PANX2: variants seen among roughly 807,000 people sequenced by gnomAD.
PANX2 encodes pannexin 2.
Under a neutral mutation model 38.7 loss-of-function variants are expected in PANX2, and 30 were observed. The ratio of observed to expected loss-of-function variants is 0.78; its 90% CI spans 0.58 to 1.05. The LOEUF is 1.05. Among genes scored for constraint, PANX2 ranks in the 50% least tolerant of loss-of-function variants. The probability of loss-of-function intolerance (pLI) is 0.00; values close to 1 mark genes in which losing one functional copy is unlikely to be tolerated. For missense variants in PANX2, 880 were observed against 979.3 expected, an observed-to-expected ratio of 0.90 and a Z score of 1.35; for synonymous variants, 539 against 472.1, an observed-to-expected ratio of 1.14 and a Z score of -1.84.
chr22:50,173,951 G>A (rs917924864), intron 1 of PANX2, among the ~76,000 whole-genome samples: 5 of 152,072 alleles, frequency 3.3e-5, no homozygotes, highest in African/African-American at 1.2e-4. Context: ...CTCGTGAACC[G>A]GGAAACGTGA....
At chr22:50,178,892 C>A in intron 2 of PANX2, 42 bp from the exon 3 acceptor site, 1 of 1,491,946 alleles carries the variant, frequency 6.7e-7, no homozygotes, top group Non-Finnish European at 9.0e-7. Flanking sequence ...GGCGGCGCAG[C>A]GGAGGATGGT....
intron 1 of PANX2, among the ~76,000 whole-genome samples, chr22:50,173,869 C>T (rs2063648298): frequency 6.6e-6 from 1 of 152,200 alleles, no homozygotes; most frequent in South Asian, 2.1e-4. Flanking sequence ...TCCTCCCTGA[C>T]TCTGACCCTC....
chr22:50,175,850 C>T (rs953205090), intron 1 of PANX2, among the ~76,000 whole-genome samples: 6 of 152,258 alleles, frequency 3.9e-5, no homozygotes, highest in African/African-American at 1.4e-4. Flanking sequence ...ACAGTGAATG[C>T]TGCTCTTCCC....
In PANX2 at chr22:50,177,825, C is replaced by T. The variant is rs374911171; in HGVS notation, c.1113C>T (p.Ser371=). 1 of 1,599,436 alleles carries T rather than the reference C, an allele frequency of 6.3e-7. No homozygotes were observed. The highest frequency in any genetic ancestry group is 1.3e-5 in the African/African-American group (1 of 75,020). ...LNRLDFITNE[S]DLMYDNVVRQ... ...GGCTGGACTTCATCACCAACGAGAG[C>T]GACCTCATGTACGACAACGTGGTCC... The change falls in exon 2 of 3, where the codon AGC becomes AGT. Residue 371 remains serine (S), a synonymous_variant. Transcript: ENST00000395842.
intron 1 of PANX2, chr22:50,175,539 G>A: frequency 1.1e-5 from 11 of 981,082 alleles, no homozygotes; most frequent in Non-Finnish European, 1.5e-5. Context: ...GCCTTGTCCG[G>A]TTTGCTCTTC....
In PANX2 at chr22:50,179,336, G is replaced by A; in HGVS notation, c.*59G>A. 2 of 1,459,800 alleles carry A rather than the reference G, an allele frequency of 1.4e-6. No homozygotes were observed. Among genetic ancestry groups the A allele is most frequent in the Non-Finnish European group, 1.9e-6 (2 of 1,058,044 alleles). The allele number at this position is 1,459,800 out of a possible 1,614,324, so 90.4% of individuals were successfully genotyped here. ...CTGCCTGTGTCGTGTGGCCTGGCCA[G>A]CCTCCCGGTGGACACCAGCCCTGCG... On this transcript the variant is annotated 3_prime_UTR_variant, in exon 3 of 3. Coordinates refer to ENST00000395842, the MANE Select transcript of PANX2 (RefSeq NM_052839.4).
At chr22:50,171,731 G>A (rs912427758) in intron 1 of PANX2, among the ~76,000 whole-genome samples, 4 of 152,196 alleles carry the variant, frequency 2.6e-5, no homozygotes, top group Non-Finnish European at 5.9e-5. Context: ...GGAGTGGGGC[G>A]AGACAGGTGG....
At position 50,170,845 on chromosome 22, in the gene PANX2, G is replaced by T; in HGVS notation, c.115G>T (p.Ala39Ser). The change falls in exon 1 of 3, where the codon GCG (alanine) becomes TCG (serine). Residue 39 changes from alanine (A) to serine (S), a missense_variant. Physicochemically the swap from Ala to Ser is moderately conservative, Grantham distance 99. Coordinates refer to ENST00000395842, the MANE Select transcript of PANX2 (RefSeq NM_052839.4). The stretch of plus-strand genomic sequence containing the variant: ...GGACGACAAGGCGGGCGCGCTGGCC[G>T]CGCTGCTTCTGCAGCTGAAGCTGGA... ...AQDDKAGALAALLLQLKLELP... is the reference protein window; with the variant it reads ...AQDDKAGALASLLLQLKLELP... 1.3e-6 allele frequency: 2 copies of T among 1,498,358 alleles called. No individual in the cohort carries two copies. The highest frequency in any genetic ancestry group is 2.8e-5 in the East Asian group (1 of 35,622). 92.8% of individuals were successfully genotyped at this position (1,498,358 alleles called of 1,614,324 possible). A position where few individuals can be genotyped will look rare whatever the true frequency, so the allele number is the denominator to read the frequency against.
At chr22:50,172,689 G>A (rs531535232) in intron 1 of PANX2, among the ~76,000 whole-genome samples, 1 of 151,914 alleles carries the variant, frequency 6.6e-6, no homozygotes, top group South Asian at 2.1e-4. Flanking sequence ...ACAGGCGTGA[G>A]CCACTGTGCC....
At chr22:50,172,673 G>A (rs1466201333) in intron 1 of PANX2, among the ~76,000 whole-genome samples, 2 of 152,022 alleles carry the variant, frequency 1.3e-5, no homozygotes, top group Non-Finnish European at 2.9e-5. Flanking sequence ...CCAAAGTGCT[G>A]GGACTACAGG....
At chr22:50,175,325 G>C in intron 1 of PANX2, 1 of 389,894 alleles carries the variant, frequency 2.6e-6, no homozygotes, top group Non-Finnish European at 4.7e-6. Context: ...CCAGGGTTCT[G>C]GGGCCTCTCC....
chr22:50,175,575 G>A (rs1459808178), intron 1 of PANX2: 8 of 576,462 alleles, frequency 1.4e-5, no homozygotes, highest in South Asian at 3.8e-5. Flanking sequence ...TCTCCAGCTC[G>A]ATGTCCCCAC....
At position 50,178,073 on chromosome 22, in the gene PANX2, A is replaced by G; in HGVS notation, c.1361A>G (p.Asn454Ser). The change falls in exon 2 of 3, where the codon AAC (asparagine) becomes AGC (serine). Residue 454 changes from asparagine (N) to serine (S), a missense_variant. Physicochemically the swap from Asn to Ser is conservative, Grantham distance 46 (BLOSUM62 1). This residue lies in a region of PANX2 where 445 missense variants were observed against 404.3 expected (regional missense o/e 1.10). Transcript: ENST00000395842. ...KEPLAIMRVE[N>S]SKAEKPKPAR... Reference sequence around the variant, plus strand: ...CCGCTGGCCATCATGCGCGTGGAGAACAGCAAGGCGGAGAAGCCGAAGCCC... The same window carrying G: ...CCGCTGGCCATCATGCGCGTGGAGAGCAGCAAGGCGGAGAAGCCGAAGCCC... The G allele has an allele frequency of 6.4e-7, 1 of 1,554,502 alleles. No individual in the cohort carries two copies. Among genetic ancestry groups the G allele is most frequent in the Non-Finnish European group, 8.6e-7 (1 of 1,158,264 alleles).
intron 1 of PANX2, among the ~76,000 whole-genome samples, chr22:50,171,447 C>T (rs573562202): frequency 6.6e-6 from 1 of 152,170 alleles, no homozygotes; most frequent in Admixed American, 6.5e-5. Flanking sequence ...GGCCCTCCAC[C>T]CCTCAGGCAG....
Position 50,177,701 on chromosome 22 carries a change from T to A in PANX2, c.989T>A (p.Ile330Asn), listed in dbSNP as rs1463737230. The A allele has an allele frequency of 6.2e-7, 1 of 1,611,414 alleles. No individual in the cohort carries two copies. The highest frequency in any genetic ancestry group is 8.5e-7 in the Non-Finnish European group (1 of 1,179,784). The change falls in exon 2 of 3, where the codon ATC becomes AAC. Residue 330 changes from isoleucine to asparagine, a missense_variant. By Grantham distance (149) the Ile-to-Asn change is moderately radical. Coordinates refer to ENST00000395842, the MANE Select transcript of PANX2 (RefSeq NM_052839.4). ...TTCGACAAGCTGCACAAGGTGGGCATCAAGACGCGCCGGCAGTGGCGCCGC... is the reference window on the plus strand; with the variant it reads ...TTCGACAAGCTGCACAAGGTGGGCAACAAGACGCGCCGGCAGTGGCGCCGC... ...FIFDKLHKVG[I>N]KTRRQWRRSQ... is the part of the protein sequence containing the mutation.
rs558047433 is a variant in PANX2, at chr22:50,175,920, G to A, written c.227-1019G>A. On this transcript the variant is annotated intron_variant, in intron 1 of 2. Transcript: ENST00000395842. ...CGTCCCTAATTCAGGCCTCGGCACA[G>A]ACGGACAGGCCTGTCCCTGTTGCTT... Among the ~76,000 whole-genome samples, 3 of 152,378 alleles carry A rather than the reference G, an allele frequency of 2.0e-5. No homozygotes were observed. In the South Asian group the frequency reaches 6.2e-4, roughly 32 times the overall value.
Position 50,179,185 on chromosome 22 carries a change from G to C in PANX2, c.1942G>C (p.Val648Leu). 1.9e-6 allele frequency: 3 copies of C among 1,612,700 alleles called. No individual in the cohort carries two copies. Among genetic ancestry groups the C allele is most frequent in the Non-Finnish European group, 2.5e-6 (3 of 1,179,902 alleles). The part of the protein sequence containing the change: ...EDGGPRLPQD[V>L]GDLIAIPAPQ... ...CGGGGGCCCCCGCCTGCCGCAGGAC[G>C]TGGGGGACCTCATCGCCATCCCTGC... is the stretch of plus-strand genomic sequence containing the variant. The change falls in exon 3 of 3, where the codon GTG (valine) becomes CTG (leucine). Residue 648 changes from valine (V) to leucine (L), a missense_variant. Around this residue, in one of 4 missense-constraint regions of PANX2, gnomAD observed 445 missense variants for 404.3 expected, o/e 1.10. Coordinates refer to ENST00000395842, the MANE Select transcript of PANX2 (RefSeq NM_052839.4).
chr22:50,177,487 T>C lies in PANX2; in HGVS notation c.775T>C (p.Cys259Arg). 1 of 1,609,234 alleles carries C rather than the reference T, an allele frequency of 6.2e-7. No individual in the cohort carries two copies. The highest frequency in any genetic ancestry group is 1.1e-5 in the South Asian group (1 of 90,726). ...CACGCAGAAGCAGAACGAGTTCACC[T>C]GCGCGCTGGGCGCGTCCCCGGACGG... ...YATQKQNEFT[C>R]ALGASPDGAA... The change falls in exon 2 of 3, where the codon TGC becomes CGC. Residue 259 changes from cysteine (C) to arginine (R), a missense_variant. By Grantham distance (180) the Cys-to-Arg change is radical. This residue lies in a region of PANX2 where 114 missense variants were observed against 108.8 expected (regional missense o/e 1.05). Coordinates refer to ENST00000395842, the MANE Select transcript of PANX2 (RefSeq NM_052839.4).
At chr22:50,176,775 G>A (rs1036548925) in intron 1 of PANX2, among the ~76,000 whole-genome samples, 164 bp from the exon 2 acceptor site, 1 of 152,194 alleles carries the variant, frequency 6.6e-6, no homozygotes, top group Non-Finnish European at 1.5e-5. Context: ...CCGTGGTGGG[G>A]GGAGGGGGTG....
Sources: gnomAD v4.1 joint callset for allele counts (sites outside exome capture counted in the v4.1 genomes callset) on GRCh38, gnomAD v4.1.1 for gene constraint, gnomAD v4.1.1 regional missense constraint, MANE v1.5 for transcripts, NCBI Gene and HGNC (gene_info 2026-07-23, HGNC 2026-07-21) for gene names.